The following EFCAB5 variants were observed in gnomAD, a reference collection of about 807,000 sequenced individuals.
The protein encoded by EFCAB5 is EF-hand calcium-binding domain-containing protein 5.
In EFCAB5, 131 loss-of-function variants were observed where a neutral mutation model predicts 167.9. The ratio of observed to expected loss-of-function variants is 0.78; its 90% confidence interval spans 0.68 to 0.90. The LOEUF is 0.90. Among genes scored for constraint, EFCAB5 ranks in the 40% least tolerant of loss-of-function variants. EFCAB5 has a pLI of 0.00. For missense variants in EFCAB5, 1,663 were observed against 1,745.2 expected (o/e 0.95, Z 0.84); for synonymous variants, 574 against 602.8 (o/e 0.95, Z 0.70).
At chr17:30,051,747 G>A (rs539732204) in intron 9 of EFCAB5, among the ~76,000 whole-genome samples, 1 of 151,968 alleles carries the variant, frequency 6.6e-6, no homozygotes, top group Non-Finnish European at 1.5e-5. Flanking sequence ...TTAATAGAGA[G>A]AAGGTTTCAC....
chr17:29,971,256 C>T (rs1467544565), intron 4 of EFCAB5, among the ~76,000 whole-genome samples: 1 of 152,090 alleles, frequency 6.6e-6, no homozygotes, highest in Non-Finnish European at 1.5e-5. Flanking sequence ...ACCCTGCTAC[C>T]TTACTGAGTT....
chr17:29,940,108 G>A (rs576204446), upstream of EFCAB5, among the ~76,000 whole-genome samples: 1 of 145,994 alleles, frequency 6.8e-6, no homozygotes, highest in Non-Finnish European at 1.5e-5. Context: ...ATGGAGTTTC[G>A]CTCATTGCCG....
At chr17:29,998,605 GA>G (rs1340772569) in intron 6 of EFCAB5, among the ~76,000 whole-genome samples, 3 of 152,200 alleles carry the variant, frequency 2.0e-5, no homozygotes, top group African/African-American at 7.2e-5. Flanking sequence ...GAGCTTGGGG[GA>G]AGGTCTGGGA....
chr17:29,953,932 CTGGAGCAAAGGT>C (rs1292132494), intron 3 of EFCAB5, among the ~76,000 whole-genome samples: 1 of 152,156 alleles, frequency 6.6e-6, no homozygotes, highest in Non-Finnish European at 1.5e-5. Flanking sequence ...TTGTTGGGAA[CTGGAGCAAAGGT>C]GACTTGCTAT....
intron 4 of EFCAB5, among the ~76,000 whole-genome samples, chr17:29,973,768 G>A (rs933125271): frequency 2.1e-4 from 32 of 149,880 alleles, no homozygotes; most frequent in African/African-American, 6.3e-4. Flanking sequence ...GAGCCACCGC[G>A]CCTGGCCTGT....
chr17:30,076,206 C>T (rs1326339606), intron 14 of EFCAB5, among the ~76,000 whole-genome samples: 2 of 152,252 alleles, frequency 1.3e-5, no homozygotes, highest in Non-Finnish European at 2.9e-5. Context: ...GTTTCACATG[C>T]TCACAGTTTC....
Position 29,969,115 on chromosome 17 carries a change from C to T in EFCAB5, c.515C>T (p.Ala172Val). The T allele has an allele frequency of 2.5e-6, 4 of 1,613,780 alleles. No homozygotes were observed. The South Asian group carries it at 3.3e-5, about 13-fold the overall frequency. The change falls in exon 4 of 23, where the codon GCA becomes GTA. Residue 172 changes from alanine (A) to valine (V), a missense_variant. Physicochemically the swap from Ala to Val is moderately conservative, Grantham distance 64. Coordinates refer to ENST00000394835, the MANE Select transcript of EFCAB5 (RefSeq NM_198529.4). ...NTDSMTLNNT[A>V]YLLDKLLPTL... ...GACAGCATGACACTGAATAATACTG[C>T]ATATTTGCTTGACAAACTTCTACCC...
At chr17:30,095,312 A>G (rs1435687424) in intron 22 of EFCAB5, among the ~76,000 whole-genome samples, 2 of 152,042 alleles carry the variant, frequency 1.3e-5, no homozygotes, top group Non-Finnish European at 2.9e-5. Context: ...CACTTCTCCT[A>G]CAGGGGTCCC....
intron 3 of EFCAB5, among the ~76,000 whole-genome samples, chr17:29,957,292 C>T (rs2067635861): frequency 6.6e-6 from 1 of 152,138 alleles, no homozygotes; most frequent in Admixed American, 6.6e-5. Context: ...GCATCCCTTG[C>T]ATCCCTGGCA....
intron 3 of EFCAB5, among the ~76,000 whole-genome samples, chr17:29,960,870 A>T (rs773539912): frequency 1.3e-4 from 20 of 151,944 alleles, no homozygotes; most frequent in African/African-American, 3.9e-4. Flanking sequence ...TATTATTATT[A>T]TTTTTTTAAG....
intron 14 of EFCAB5, among the ~76,000 whole-genome samples, chr17:30,071,434 C>A (rs1164383773): frequency 6.7e-6 from 1 of 150,310 alleles, no homozygotes; most frequent in African/African-American, 2.5e-5. Flanking sequence ...AAATACAAAT[C>A]AAAACCACAA....
At chr17:30,015,843 C>A (rs1424098366) in intron 7 of EFCAB5, among the ~76,000 whole-genome samples, 2 of 150,864 alleles carry the variant, frequency 1.3e-5, no homozygotes, top group African/African-American at 4.9e-5. Flanking sequence ...CTCACTGCAA[C>A]CTCTGCCTCA....
At chr17:29,977,635 T>C (rs533446693) in intron 4 of EFCAB5, among the ~76,000 whole-genome samples, 161 of 152,330 alleles carry the variant, frequency 1.1e-3, no homozygotes, top group Middle Eastern at 6.8e-3. Context: ...ATTTTTCCTG[T>C]GACTCCTCTT....
At chr17:30,067,615 G>A (rs2070609589) in intron 14 of EFCAB5, among the ~76,000 whole-genome samples, 1 of 152,054 alleles carries the variant, frequency 6.6e-6, no homozygotes, top group Non-Finnish European at 1.5e-5. Flanking sequence ...TGCAGGAAAA[G>A]CATTTGATAA....
intron 12 of EFCAB5, among the ~76,000 whole-genome samples, chr17:30,056,819 T>C (rs1201300472): frequency 1.3e-5 from 2 of 152,232 alleles, no homozygotes; most frequent in Non-Finnish European, 2.9e-5. Context: ...AATTTTCTGG[T>C]GAAAATGCAT....
At chr17:29,975,638 A>T (rs2068050169) in intron 4 of EFCAB5, among the ~76,000 whole-genome samples, 2 of 152,326 alleles carry the variant, frequency 1.3e-5, no homozygotes, top group South Asian at 4.1e-4. Context: ...GAAGCTTTAG[A>T]ATAGTAATTC....
At chr17:30,065,435 G>A (rs1423958478) in intron 14 of EFCAB5, among the ~76,000 whole-genome samples, 1 of 152,158 alleles carries the variant, frequency 6.6e-6, no homozygotes, top group East Asian at 1.9e-4. Context: ...AGCTGAGGCA[G>A]GCGGATCACA....
chr17:29,979,315 C>A (rs2068125196), intron 4 of EFCAB5, among the ~76,000 whole-genome samples: 1 of 151,988 alleles, frequency 6.6e-6, no homozygotes, highest in Admixed American at 6.5e-5. Context: ...TGCACTCCAG[C>A]CTGAGTGAGA....
chr17:30,073,158 C>T (rs1439794085), intron 14 of EFCAB5: 3 of 699,088 alleles, frequency 4.3e-6, no homozygotes, highest in South Asian at 1.5e-5. Context: ...CGGACTCAAG[C>T]GATCATCCCA....
Sources: gnomAD v4.1 joint callset for allele counts (sites outside exome capture counted in the v4.1 genomes callset) on GRCh38, gnomAD v4.1.1 for gene constraint, MANE v1.5 for transcripts, NCBI Gene and HGNC (gene_info 2026-07-23, HGNC 2026-07-21) for gene names.